The following CA5A variants were observed in gnomAD, a reference collection of about 807,000 sequenced individuals.
The protein encoded by CA5A is carbonic anhydrase 5A.
A neutral mutation model predicts 37.1 loss-of-function variants in CA5A; 28 were observed. The ratio of observed to expected loss-of-function variants is 0.75; its 90% CI spans 0.56 to 1.03. The LOEUF is 1.03. Ranked by LOEUF, CA5A falls within the 50% of genes least tolerant of loss-of-function variation. CA5A has a pLI of 0.00. For missense variants in CA5A, 444 were observed against 399.9 expected (o/e 1.11, Z -0.94); for synonymous variants, 171 against 158.4 (o/e 1.08, Z -0.60).
At chr16:87,932,647 C>T (rs2056423047) in intron 1 of CA5A, among the ~76,000 whole-genome samples, 1 of 151,942 alleles carries the variant, frequency 6.6e-6, no homozygotes, top group South Asian at 2.1e-4. Flanking sequence ...AGAGCTGCTC[C>T]TATGGGTCAA....
chr16:87,924,155 C>T (rs1490421301), intron 2 of CA5A: 3 of 985,316 alleles, frequency 3.0e-6, no homozygotes, highest in East Asian at 2.3e-4. Flanking sequence ...TTTCCCTCTT[C>T]TTCTCCGAGC....
chr16:87,929,674 C>G (rs1293905166), intron 1 of CA5A, among the ~76,000 whole-genome samples: 1 of 151,404 alleles, frequency 6.6e-6, no homozygotes, highest in Non-Finnish European at 1.5e-5. Flanking sequence ...AGATCGAGAC[C>G]ATCCTGGCTA....
At chr16:87,926,341 G>C (rs891179177) in intron 2 of CA5A, among the ~76,000 whole-genome samples, 7 of 152,174 alleles carry the variant, frequency 4.6e-5, no homozygotes, top group Non-Finnish European at 8.8e-5. Context: ...TTCCTTGCAG[G>C]CCTCTGCCTA....
At chr16:87,934,684 G>A (rs1934634648) in intron 1 of CA5A, among the ~76,000 whole-genome samples, 1 of 152,146 alleles carries the variant, frequency 6.6e-6, no homozygotes, top group Non-Finnish European at 1.5e-5. Flanking sequence ...AGGGGGGTGG[G>A]TGCAGTGGCT....
exon 5 of CA5A, chr16:87,881,791 G>A (rs1174116488): frequency 1.3e-5 from 2 of 152,192 alleles, no homozygotes; most frequent in African/African-American, 2.4e-5. Flanking sequence ...TTTTCCTCTC[G>A]GCGTGTTTGT....
chr16:87,890,229 C>A (rs190670341), intron 6 of CA5A, among the ~76,000 whole-genome samples: 35 of 152,306 alleles, frequency 2.3e-4, no homozygotes, highest in Admixed American at 3.9e-4. Context: ...ATGCCCTGTT[C>A]CTGTACCGCC....
intron 2 of CA5A, among the ~76,000 whole-genome samples, chr16:87,909,427 C>T (rs1449008644): frequency 6.6e-6 from 1 of 152,204 alleles, no homozygotes; most frequent in Non-Finnish European, 1.5e-5. Context: ...AGGAGGGAAG[C>T]GAAACGTTCG....
At chr16:87,917,720 C>CAT (rs1567530460) in intron 2 of CA5A, among the ~76,000 whole-genome samples, 67 of 75,808 alleles carry the variant, frequency 8.8e-4, no homozygotes, top group African/African-American at 2.6e-3. Flanking sequence ...CACATGAACA[C>CAT]GTGCACACAC....
Position 87,891,931 on chromosome 16 carries a change from G to A in CA5A, c.642C>T (p.Pro214=), listed in dbSNP as rs2055721753. The change falls in exon 6 of 7, where the codon CCC becomes CCT. Residue 214 remains proline (P), a synonymous_variant. Transcript: ENST00000649794. ...TGGGCAGCAGAGTGGAGGGGTCGAA[G>A]GGGCGCATGGCCGCCCGCGCGTCCT... ...KHKDARAAMR[P]FDPSTLLPTC... 6.4e-7 allele frequency: 1 copy of A among 1,555,664 alleles called. No individual in the cohort carries two copies. The highest frequency in any genetic ancestry group is 8.7e-7 in the Non-Finnish European group (1 of 1,151,768).
chr16:87,900,669 G>A (rs149329494), intron 5 of CA5A, among the ~76,000 whole-genome samples: 1 of 152,324 alleles, frequency 6.6e-6, no homozygotes, highest in African/African-American at 2.4e-5. Context: ...CCATCTTTTC[G>A]AGCTGCGCTG....
At chr16:87,906,434 C>G (rs2055962296) in intron 2 of CA5A, among the ~76,000 whole-genome samples, 1 of 152,056 alleles carries the variant, frequency 6.6e-6, no homozygotes, top group African/African-American at 2.4e-5. Context: ...TAGAGACCAG[C>G]CTGGCCAACG....
intron 3 of CA5A, among the ~76,000 whole-genome samples, chr16:87,903,421 A>C (rs2055909780): frequency 6.6e-6 from 1 of 152,234 alleles, no homozygotes; most frequent in Non-Finnish European, 1.5e-5. Context: ...CCTAGGCAAC[A>C]GAGTGATACT....
chr16:87,906,785 C>T (rs1443814986), intron 2 of CA5A, among the ~76,000 whole-genome samples: 1 of 152,206 alleles, frequency 6.6e-6, no homozygotes, highest in Non-Finnish European at 1.5e-5. Context: ...TGGTCTGGAG[C>T]AACCTCAGAG....
intron 2 of CA5A, among the ~76,000 whole-genome samples, chr16:87,908,447 G>A (rs111392968): frequency 1.1e-4 from 17 of 152,172 alleles, no homozygotes; most frequent in African/African-American, 4.1e-4. Flanking sequence ...GTTACTACAC[G>A]TTTCTCCTGG....
chr16:87,892,997 C>T (rs1285612735), intron 5 of CA5A: 11 of 1,228,860 alleles, frequency 9.0e-6, no homozygotes, highest in Admixed American at 1.8e-5. Context: ...AGGATGTCCA[C>T]ATGCCTAAGC....
Position 87,936,498 on chromosome 16 carries a change from T to G in CA5A, c.-48A>C. On this transcript the variant is annotated 5_prime_UTR_variant, in exon 1 of 7. Coordinates refer to ENST00000649794, the MANE Select transcript of CA5A (RefSeq NM_001739.2). The stretch of plus-strand genomic sequence containing the variant: ...CCAGTCTGAAGAGGGTGATGTTCCC[T>G]GCTGTCTGTTCTCACTTTGATCAGG... 1.2e-6 allele frequency: 2 copies of G among 1,607,546 alleles called. No individual in the cohort carries two copies. Among genetic ancestry groups the G allele is most frequent in the Non-Finnish European group, 1.7e-6 (2 of 1,177,338 alleles).
intron 2 of CA5A, among the ~76,000 whole-genome samples, chr16:87,914,798 G>C (rs1326153845): frequency 6.6e-6 from 1 of 152,166 alleles, no homozygotes; most frequent in Admixed American, 6.5e-5. Flanking sequence ...ATGGAGTCAC[G>C]GGCCACCGTC....
chr16:87,893,018 G>T, intron 5 of CA5A: 1 of 1,239,420 alleles, frequency 8.1e-7, no homozygotes, highest in South Asian at 1.4e-5. Context: ...ACCCGGAGAT[G>T]GCAGACAAGA....
At chr16:87,926,669 C>T in intron 2 of CA5A, 79 bp downstream of exon 2, 1 of 1,139,216 alleles carries the variant, frequency 8.8e-7, no homozygotes, top group Middle Eastern at 2.8e-4. Context: ...GCTCTCCTCC[C>T]CCTTCTCCGC....
Sources: gnomAD v4.1 joint callset for allele counts (sites outside exome capture counted in the v4.1 genomes callset) on GRCh38, gnomAD v4.1.1 for gene constraint, MANE v1.5 for transcripts, NCBI Gene and HGNC (gene_info 2026-07-23, HGNC 2026-07-21) for gene names.